EDEM3: variants seen among roughly 807,000 people sequenced by gnomAD.
EDEM3 encodes ER degradation enhancing alpha-mannosidase like protein 3, also known as ER degradation-enhancing alpha-mannosidase-like protein 3.
EDEM3 carries 60 observed loss-of-function variants against 110.2 expected under a neutral mutation model. The ratio of observed to expected loss-of-function variants is 0.54; its 90% confidence interval spans 0.44 to 0.67. The LOEUF (loss-of-function observed/expected upper bound fraction) is 0.67, where lower values mean the gene tolerates loss of function less well. Among genes scored for constraint, EDEM3 ranks in the 30% least tolerant of loss-of-function variants. The pLI is 0.00. For synonymous variants in EDEM3, 352 were observed against 382.9 expected (o/e 0.92, Z 0.94); for missense variants, 996 against 1,121.0 (o/e 0.89, Z 1.59).
rs145082054 is a variant in EDEM3 at position 184,749,696 on chromosome 1, A to AT, written c.159-105dup. The AT allele has an allele frequency of 2.2e-3, 2,141 of 971,748 alleles. 26 individuals carry two copies. Among genetic ancestry groups the AT allele is most frequent in the African/African-American group, 0.018 (1,061 of 59,406 alleles). The allele number at this position is 971,748 out of a possible 1,614,324, so 60.2% of individuals were successfully genotyped here. On this transcript the variant is annotated intron_variant, in intron 1 of 19. Coordinates refer to ENST00000318130, the MANE Select transcript of EDEM3 (RefSeq NM_025191.4). ...ATTCTTCCTCATAAAAAATATACCA[A>AT]TAAAAACAAAAGAAAAATTTAGGTA...
Position 184,754,530 on chromosome 1 carries a change from C to T in EDEM3, c.117G>A (p.Ala39=), listed in dbSNP as rs750749285. Residue 39 remains alanine (A), a synonymous_variant, in exon 1 of 20, where the codon GCG becomes GCA. Coordinates refer to ENST00000318130, the MANE Select transcript of EDEM3 (RefSeq NM_025191.4). ...CCTCCCTACTCATGGGCTCGGCCCC[C>T]GCCGTCCACACGGAGGTGGCCGACA... ...CLVSATSVWT[A]GAEPMSREEK... 3 of 1,613,134 alleles carry T rather than the reference C, an allele frequency of 1.9e-6. No individual in the cohort carries two copies. The highest frequency in any genetic ancestry group is 2.7e-5 in the African/African-American group (2 of 74,874).
At chr1:184,747,431 T>C (rs1652494334) in intron 2 of EDEM3, among the ~76,000 whole-genome samples, 1 of 152,216 alleles carries the variant, frequency 6.6e-6, no homozygotes, top group Admixed American at 6.5e-5. Context: ...TTCTCGTTAA[T>C]ATTTTAGAAC....
chr1:184,751,908 CA>C (rs1279778393), intron 1 of EDEM3, among the ~76,000 whole-genome samples: 1 of 152,170 alleles, frequency 6.6e-6, no homozygotes, highest in Non-Finnish European at 1.5e-5. Flanking sequence ...CATGCGCCAC[CA>C]CACCTGGCTA....
At chr1:184,722,721 AT>A (rs1571384470) in intron 8 of EDEM3, among the ~76,000 whole-genome samples, 1 of 151,700 alleles carries the variant, frequency 6.6e-6, no homozygotes, top group East Asian at 1.9e-4. Context: ...TAATTTTATA[AT>A]TTTTATTTAT....
chr1:184,742,960 T>C (rs1652225388), intron 2 of EDEM3, among the ~76,000 whole-genome samples: 1 of 152,204 alleles, frequency 6.6e-6, no homozygotes, highest in Non-Finnish European at 1.5e-5. Flanking sequence ...AACTTCATAC[T>C]GCTGTTTTTT....
chr1:184,695,115 T>A (rs941569186), intron 19 of EDEM3, among the ~76,000 whole-genome samples: 1 of 151,936 alleles, frequency 6.6e-6, no homozygotes, highest in Non-Finnish European at 1.5e-5. Flanking sequence ...GAAGAGTGAG[T>A]TAAACCTCTT....
At chr1:184,726,513 G>T in intron 6 of EDEM3, 124 bp from the exon 7 acceptor site, 1 of 1,065,612 alleles carries the variant, frequency 9.4e-7, no homozygotes, top group Non-Finnish European at 1.3e-6. Context: ...ACTAAACACT[G>T]AAATTCAATC....
intron 7 of EDEM3, among the ~76,000 whole-genome samples, chr1:184,725,058 T>C (rs541343701): frequency 2.0e-5 from 3 of 152,324 alleles, no homozygotes; most frequent in Admixed American, 6.5e-5. Flanking sequence ...AAAGCTTTAT[T>C]TATAAAAACA....
At chr1:184,752,454 T>C (rs1416536808) in intron 1 of EDEM3, among the ~76,000 whole-genome samples, 1 of 152,210 alleles carries the variant, frequency 6.6e-6, no homozygotes, top group Non-Finnish European at 1.5e-5. Context: ...TGTGTATTTG[T>C]CGTTTATAGC....
chr1:184,741,675 A>G (rs1486308573), intron 2 of EDEM3, among the ~76,000 whole-genome samples: 2 of 152,108 alleles, frequency 1.3e-5, no homozygotes, highest in Non-Finnish European at 1.5e-5. Context: ...GGCTTCTCCA[A>G]TTTCTTAGTT....
chr1:184,706,375 ATT>A (rs934887645), intron 18 of EDEM3, among the ~76,000 whole-genome samples: 1 of 151,978 alleles, frequency 6.6e-6, no homozygotes, highest in African/African-American at 2.4e-5. Context: ...ATGGTACTGA[ATT>A]TTTTTACTAC....
At chr1:184,725,470 C>G (rs533401687) in intron 7 of EDEM3, among the ~76,000 whole-genome samples, 2 of 151,998 alleles carry the variant, frequency 1.3e-5, no homozygotes, top group South Asian at 4.1e-4. Flanking sequence ...AAAGATTAAC[C>G]AACCAAACAT....
chr1:184,719,294 T>C, intron 10 of EDEM3, 49 bp from the exon 11 acceptor site: 1 of 1,508,712 alleles, frequency 6.6e-7, no homozygotes, highest in Non-Finnish European at 8.9e-7. Flanking sequence ...GAGCTGATTT[T>C]ATCTCTAATC....
intron 1 of EDEM3, among the ~76,000 whole-genome samples, chr1:184,750,504 T>G (rs1652697635): frequency 7.4e-6 from 1 of 135,506 alleles, no homozygotes; most frequent in Admixed American, 7.5e-5. Flanking sequence ...TTAACAATTT[T>G]TTATTAACTT....
At chr1:184,718,910 T>C (rs1650705463) in intron 11 of EDEM3, among the ~76,000 whole-genome samples, 1 of 152,158 alleles carries the variant, frequency 6.6e-6, no homozygotes, top group Non-Finnish European at 1.5e-5. Flanking sequence ...GGAATTTTTT[T>C]ACATAAAATT....
At chr1:184,697,886 T>TTGTG (rs576377502) in intron 19 of EDEM3, among the ~76,000 whole-genome samples, 1 of 149,684 alleles carries the variant, frequency 6.7e-6, no homozygotes, top group Non-Finnish European at 1.5e-5. Flanking sequence ...GTTGGGAAAA[T>TTGTG]TGTGTGTGTG....
In EDEM3 at chr1:184,726,397, C is replaced by T; in HGVS notation, c.613-8G>A. ...GCCAAACTTTAAATTAATCTGAATA[C>T]AATTAGAAAATTGTCATTAGCAGTT... On this transcript the variant is annotated splice_polypyrimidine_tract_variant and splice_region_variant and intron_variant, in intron 6 of 19. Transcript: ENST00000318130. 2 of 1,610,922 alleles carry T rather than the reference C, an allele frequency of 1.2e-6. No individual in the cohort carries two copies. Among genetic ancestry groups the T allele is most frequent in the Non-Finnish European group, 1.7e-6 (2 of 1,178,344 alleles).
Position 184,742,808 on chromosome 1 carries a change from T to C in EDEM3, c.205-5097A>G, listed in dbSNP as rs1652216767. The stretch of plus-strand genomic sequence containing the variant: ...TTTTTATTGCTTTATAGTTTTATAT[T>C]TAACACATATAAACAACACTTAGAA... On this transcript the variant is annotated intron_variant, in intron 2 of 19. Transcript: ENST00000318130. 2.0e-5 allele frequency among the ~76,000 whole-genome samples: 3 copies of C among 152,252 alleles called. No individual in the cohort carries two copies. The South Asian group carries it at 6.2e-4, about 31-fold the overall frequency.
At chr1:184,705,984 A>C (rs1419527757) in intron 18 of EDEM3, among the ~76,000 whole-genome samples, 1 of 152,170 alleles carries the variant, frequency 6.6e-6, no homozygotes, top group Admixed American at 6.5e-5. Context: ...CAAGGGGATA[A>C]AGATCTGCTA....
Sources: allele counts gnomAD v4.1 joint callset (sites outside exome capture counted in the v4.1 genomes callset), GRCh38; gene constraint gnomAD v4.1.1; transcripts MANE v1.5; gene names NCBI Gene and HGNC (gene_info 2026-07-23, HGNC 2026-07-21).